Variants in HERC3 observed in about 807,000 individuals in gnomAD.
The protein encoded by HERC3 is probable E3 ubiquitin-protein ligase HERC3.
Under a neutral mutation model 129.9 loss-of-function variants are expected in HERC3, and 58 were observed. The ratio of observed to expected loss-of-function variants is 0.45; its 90% CI spans 0.36 to 0.56. The LOEUF is 0.56. Among genes scored for constraint, HERC3 ranks in the 20% least tolerant of loss-of-function variants. The pLI is 0.00. For synonymous variants in HERC3, 430 were observed against 451.0 expected, an observed-to-expected ratio of 0.95 and a Z score of 0.59; for missense variants, 835 against 1,244.2, an observed-to-expected ratio of 0.67 and a Z score of 4.95.
chr4:88,614,351 T>G (rs953602609), intron 3 of HERC3, among the ~76,000 whole-genome samples: 1 of 152,166 alleles, frequency 6.6e-6, no homozygotes, highest in Admixed American at 6.5e-5. Flanking sequence ...TCCTAGAATT[T>G]TGTTCACAGA....
In HERC3 at chr4:88,686,902, CAG is replaced by C. The variant is rs1343031706; in HGVS notation, c.2574+104_2574+105del. The C allele has an allele frequency of 3.2e-6, 3 of 927,744 alleles. No homozygotes were observed. The African/African-American group carries it at 5.0e-5, about 15-fold the overall frequency. 57.5% of individuals were successfully genotyped at this position (927,744 alleles called of 1,614,324 possible). A position where few individuals can be genotyped will look rare whatever the true frequency, so the allele number is the denominator to read the frequency against. On this transcript the variant is annotated intron_variant, in intron 22 of 25. Transcript: ENST00000402738. The stretch of plus-strand genomic sequence containing the variant: ...TCTTCTTCAAATCATAGAAAAAAGT[CAG>C]AGACTTCTTTGAATCAAATTATTTT...
At chr4:88,603,123 C>T (rs924848091) in intron 2 of HERC3, among the ~76,000 whole-genome samples, 4 of 151,986 alleles carry the variant, frequency 2.6e-5, no homozygotes, top group African/African-American at 9.7e-5. Flanking sequence ...AATTCATCTG[C>T]TGTTCTCTGC....
Position 88,664,231 on chromosome 4 carries a change from TA to T in HERC3, c.1331+25del. 1 of 1,599,428 alleles carries T rather than the reference TA, an allele frequency of 6.3e-7. No individual in the cohort carries two copies. The highest frequency in any genetic ancestry group is 8.6e-7 in the Non-Finnish European group (1 of 1,167,316). On this transcript the variant is annotated intron_variant, in intron 12 of 25. Transcript: ENST00000402738. ...AAAAAAAGTAAGTGACTTAGAGCCT[TA>T]AAAAACCCTCACGTGTACCTGTAGT...
intron 3 of HERC3, among the ~76,000 whole-genome samples, chr4:88,620,999 A>G (rs1725448967): frequency 6.6e-6 from 1 of 152,074 alleles, no homozygotes. Flanking sequence ...GTCAGTCACA[A>G]TCAATACCTC....
the HERC3 span, among the ~76,000 whole-genome samples, chr4:88,532,936 C>T: frequency 2.2e-4 from 34 of 152,306 alleles, no homozygotes; most frequent in South Asian, 4.1e-4. Context: ...GATGAATATA[C>T]GAAACGGACT....
At chr4:88,636,130 T>A (rs1409057463) in intron 3 of HERC3, among the ~76,000 whole-genome samples, 3 of 152,136 alleles carry the variant, frequency 2.0e-5, no homozygotes, top group Non-Finnish European at 1.5e-5. Context: ...GATGACAGGA[T>A]CAAATTCACA....
At chr4:88,548,827 AT>A in the HERC3 span, among the ~76,000 whole-genome samples, 1 of 151,650 alleles carries the variant, frequency 6.6e-6, no homozygotes, top group Admixed American at 6.6e-5. Context: ...CGCCTGGCTA[AT>A]TTTTTGTATT....
At chr4:88,662,592 A>C (rs1560734434) in intron 11 of HERC3, 37 bp downstream of exon 11, 1 of 1,585,992 alleles carries the variant, frequency 6.3e-7, no homozygotes. Context: ...TTTTCCACAA[A>C]GTATGTTACA....
chr4:88,692,777 C>G (rs1734208704), intron 23 of HERC3: 1 of 396,130 alleles, frequency 2.5e-6, no homozygotes, highest in Non-Finnish European at 3.4e-6. Context: ...GTCCAGGATT[C>G]TAAACCAGAG....
At chr4:88,691,675 A>C (rs1037081679) in intron 23 of HERC3, among the ~76,000 whole-genome samples, 5 of 152,146 alleles carry the variant, frequency 3.3e-5, no homozygotes, top group African/African-American at 1.2e-4. Flanking sequence ...TTTTCATTTT[A>C]TGCTGCACAA....
At chr4:88,540,987 C>T in the HERC3 span, among the ~76,000 whole-genome samples, 1 of 152,214 alleles carries the variant, frequency 6.6e-6, no homozygotes. Context: ...ACTGCAAAAA[C>T]ATGCCAAATT....
At chr4:88,633,924 G>A (rs1727051719) in intron 3 of HERC3, among the ~76,000 whole-genome samples, 1 of 152,230 alleles carries the variant, frequency 6.6e-6, no homozygotes, top group South Asian at 2.1e-4. Context: ...GTTACATAGT[G>A]ATTAAATGGT....
Position 88,652,887 on chromosome 4 carries a change from G to C in HERC3, c.482G>C (p.Trp161Ser). ...ALAADGQFFTWGKNSHGQLGL... is the reference protein window; with the variant it reads ...ALAADGQFFTSGKNSHGQLGL... ...ATTTCAGATGGCCAGTTCTTCACCT[G>C]GGGAAAGAACAGCCATGGGCAGCTT... is the stretch of plus-strand genomic sequence containing the variant. The change falls in exon 6 of 26, where the codon TGG (tryptophan) becomes TCG (serine). Residue 161 changes from tryptophan (W) to serine (S), a missense_variant. Trp to Ser is a radical substitution (Grantham distance 177). Transcript: ENST00000402738. 6.2e-7 allele frequency: 1 copy of C among 1,610,454 alleles called. No homozygotes were observed. The highest frequency in any genetic ancestry group is 8.5e-7 in the Non-Finnish European group (1 of 1,177,666).
chr4:88,652,770 T>G, intron 5 of HERC3, 99 bp from the exon 6 acceptor site: 1 of 1,268,240 alleles, frequency 7.9e-7, no homozygotes, highest in Non-Finnish European at 1.1e-6. Context: ...GTGGGTTTGG[T>G]GTTGGGGGGC....
At chr4:88,647,109 A>G (rs142647700) in intron 3 of HERC3, among the ~76,000 whole-genome samples, 1 of 152,284 alleles carries the variant, frequency 6.6e-6, no homozygotes, top group African/African-American at 2.4e-5. Context: ...TGGGACAGGA[A>G]TTGGTTTGCC....
At chr4:88,538,800 C>T in the HERC3 span, among the ~76,000 whole-genome samples, 406 of 152,258 alleles carry the variant, frequency 2.7e-3, 1 homozygote, top group Non-Finnish European at 4.1e-3. Flanking sequence ...GCCTCGGCCT[C>T]CCAAAGTGCT....
intron 4 of HERC3, among the ~76,000 whole-genome samples, chr4:88,650,929 T>C (rs537573741): frequency 1.4e-4 from 21 of 152,336 alleles, no homozygotes; most frequent in African/African-American, 4.8e-4. Context: ...TTTTTTGCCC[T>C]TGTTAGATTT....
intron 3 of HERC3, among the ~76,000 whole-genome samples, chr4:88,609,534 T>TGCGAACCA: frequency 6.6e-6 from 1 of 152,198 alleles, no homozygotes; most frequent in African/African-American, 2.4e-5. Flanking sequence ...TAGTTTTTTA[T>TGCGAACCA]CTACCAGGAA....
At chr4:88,634,760 G>T (rs1331905821) in intron 3 of HERC3, among the ~76,000 whole-genome samples, 1 of 150,612 alleles carries the variant, frequency 6.6e-6, no homozygotes, top group African/African-American at 2.4e-5. Context: ...CTGGCATCAG[G>T]TCAGTGCCCC....
Sources: gnomAD v4.1 joint callset for allele counts (sites outside exome capture counted in the v4.1 genomes callset) on GRCh38, gnomAD v4.1.1 for gene constraint, MANE v1.5 for transcripts, NCBI Gene and HGNC (gene_info 2026-07-23, HGNC 2026-07-21) for gene names.